The following TBC1D5 variants were observed in gnomAD, a reference collection of about 807,000 sequenced individuals.
The protein encoded by TBC1D5 is TBC1 domain family member 5.
Under a neutral mutation model 100.3 loss-of-function variants are expected in TBC1D5, and 75 were observed. That is an observed-to-expected ratio of 0.75 (90% CI 0.62 to 0.91). TBC1D5 has a LOEUF of 0.91. TBC1D5 is among the 40% of genes least tolerant of loss of function. TBC1D5 has a pLI of 0.00. For synonymous variants in TBC1D5, 323 were observed against 325.6 expected, an observed-to-expected ratio of 0.99 and a Z score of 0.09; for missense variants, 910 against 942.4, an observed-to-expected ratio of 0.97 and a Z score of 0.45.
chr3:17,401,786 A>T (rs1322446142), intron 8 of TBC1D5, among the ~76,000 whole-genome samples: 1 of 152,138 alleles, frequency 6.6e-6, no homozygotes, highest in Non-Finnish European at 1.5e-5. Flanking sequence ...ATGCCTTTAC[A>T]GTTTAGTTAA....
At chr3:17,299,271 G>A (rs1039587001) in intron 14 of TBC1D5, among the ~76,000 whole-genome samples, 1 of 152,136 alleles carries the variant, frequency 6.6e-6, no homozygotes, top group Admixed American at 6.5e-5. Flanking sequence ...AGAACAGAGT[G>A]GGGTGGCTAC....
At chr3:17,304,411 T>A in intron 14 of TBC1D5, among the ~76,000 whole-genome samples, 1 of 152,096 alleles carries the variant, frequency 6.6e-6, no homozygotes, top group Non-Finnish European at 1.5e-5. Flanking sequence ...TTTTCATAGA[T>A]CTTTTTTTTG....
At chr3:17,347,737 A>G (rs2090083373) in intron 13 of TBC1D5, among the ~76,000 whole-genome samples, 2 of 152,160 alleles carry the variant, frequency 1.3e-5, no homozygotes. Flanking sequence ...GGACAAGAGT[A>G]GAGGCTCATG....
At chr3:17,229,406 G>A (rs779168796) in intron 17 of TBC1D5, among the ~76,000 whole-genome samples, 1 of 152,154 alleles carries the variant, frequency 6.6e-6, no homozygotes, top group African/African-American at 2.4e-5. Context: ...ACATTCTCTA[G>A]CTTGACCACA....
intron 1 of TBC1D5, among the ~76,000 whole-genome samples, chr3:17,627,201 TAAGATAA>T (rs990653075): frequency 8.5e-5 from 13 of 152,218 alleles, no homozygotes; most frequent in Non-Finnish European, 1.5e-4. Flanking sequence ...TTCTTAGATC[TAAGATAA>T]AGAGTCTGAA....
At chr3:17,417,393 C>T (rs1338896444) in intron 4 of TBC1D5, among the ~76,000 whole-genome samples, 1 of 149,298 alleles carries the variant, frequency 6.7e-6, no homozygotes, top group Non-Finnish European at 1.5e-5. Context: ...TTCCTGTGTC[C>T]ATGTGTTCTC....
At chr3:17,253,122 T>G (rs1380438083) in intron 16 of TBC1D5, among the ~76,000 whole-genome samples, 1 of 152,362 alleles carries the variant, frequency 6.6e-6, no homozygotes, top group Admixed American at 6.5e-5. Flanking sequence ...ACTTCCATTT[T>G]ATATGGTAAG....
intron 17 of TBC1D5, among the ~76,000 whole-genome samples, chr3:17,224,951 CAT>C (rs1336881740): frequency 6.6e-6 from 1 of 152,162 alleles, no homozygotes; most frequent in Non-Finnish European, 1.5e-5. Context: ...ACATTAAAAA[CAT>C]ATGTTTCTCC....
At chr3:17,483,603 A>G (rs1478368535) in intron 3 of TBC1D5, among the ~76,000 whole-genome samples, 1 of 152,228 alleles carries the variant, frequency 6.6e-6, no homozygotes, top group East Asian at 1.9e-4. Flanking sequence ...TATGTATGCA[A>G]TAATTACAAA....
chr3:17,511,876 CTAG>C (rs1453012208), intron 2 of TBC1D5, among the ~76,000 whole-genome samples: 1 of 151,952 alleles, frequency 6.6e-6, no homozygotes, highest in Non-Finnish European at 1.5e-5. Context: ...AACCAGCTAA[CTAG>C]TAATAATGAG....
At chr3:17,583,904 A>C (rs1224093574) in intron 2 of TBC1D5, among the ~76,000 whole-genome samples, 4 of 152,218 alleles carry the variant, frequency 2.6e-5, no homozygotes, top group Non-Finnish European at 4.4e-5. Context: ...GTTCATGTAC[A>C]CGCGTTTAGA....
intron 15 of TBC1D5, among the ~76,000 whole-genome samples, chr3:17,260,995 AGCCACATGTG>A (rs1470537528): frequency 6.6e-6 from 1 of 152,080 alleles, no homozygotes; most frequent in Non-Finnish European, 1.5e-5. Flanking sequence ...AGTGCTAAAC[AGCCACATGTG>A]GCAAGTGGCT....
intron 2 of TBC1D5, among the ~76,000 whole-genome samples, chr3:17,547,314 A>C (rs146509633): frequency 6.6e-6 from 1 of 152,212 alleles, no homozygotes; most frequent in Non-Finnish European, 1.5e-5. Context: ...TCTCAGTCTC[A>C]GAAGGGTGAT....
intron 2 of TBC1D5, among the ~76,000 whole-genome samples, chr3:17,514,766 C>T (rs929972017): frequency 6.6e-6 from 1 of 152,132 alleles, no homozygotes; most frequent in Admixed American, 6.5e-5. Flanking sequence ...AAAAGTCAAA[C>T]TGCCAAACAG....
At chr3:17,307,841 A>G (rs764241348) in intron 14 of TBC1D5, 151 bp downstream of exon 14, 1 of 895,344 alleles carries the variant, frequency 1.1e-6, no homozygotes, top group Non-Finnish European at 1.6e-6. Flanking sequence ...GATGTTTAGT[A>G]TATTCCTTTG....
At chr3:17,163,587 C>T (rs940820671) in intron 21 of TBC1D5, among the ~76,000 whole-genome samples, 1 of 152,196 alleles carries the variant, frequency 6.6e-6, no homozygotes, top group African/African-American at 2.4e-5. Context: ...CATCACAACA[C>T]ATATCCCTCT....
chr3:17,356,507 A>G (rs2091224639), intron 13 of TBC1D5, among the ~76,000 whole-genome samples: 1 of 152,224 alleles, frequency 6.6e-6, no homozygotes, highest in Non-Finnish European at 1.5e-5. Flanking sequence ...TGCTTACTCA[A>G]TAATGACCTG....
chr3:17,428,289 A>G (rs2094379935), intron 4 of TBC1D5, among the ~76,000 whole-genome samples, 161 bp downstream of exon 4: 1 of 151,264 alleles, frequency 6.6e-6, no homozygotes, highest in Non-Finnish European at 1.5e-5. Flanking sequence ...ATAACACAAT[A>G]TTGTTTACAT....
intron 1 of TBC1D5, among the ~76,000 whole-genome samples, chr3:17,638,116 G>A (rs1430554965): frequency 6.6e-6 from 1 of 151,618 alleles, no homozygotes; most frequent in Non-Finnish European, 1.5e-5. Context: ...CTATTGACAT[G>A]TTCTACAAAG....
Sources: allele counts gnomAD v4.1 joint callset (sites outside exome capture counted in the v4.1 genomes callset), GRCh38; gene constraint gnomAD v4.1.1; transcripts MANE v1.5; gene names NCBI Gene and HGNC (gene_info 2026-07-23, HGNC 2026-07-21).